The following MYOM1 variants were observed in gnomAD, a reference collection of about 807,000 sequenced individuals.
MYOM1 encodes the protein myomesin-1.
Under a neutral mutation model 205.3 loss-of-function variants are expected in MYOM1, and 164 were observed. The ratio of observed to expected loss-of-function variants is 0.80; its 90% CI spans 0.70 to 0.91. The LOEUF (loss-of-function observed/expected upper bound fraction) is 0.91. Among genes scored for constraint, MYOM1 ranks in the 40% least tolerant of loss-of-function variants. MYOM1 has a pLI of 0.00. For missense variants in MYOM1, 2,011 were observed against 2,127.3 expected (o/e 0.95, Z 1.08); for synonymous variants, 772 against 789.4 (o/e 0.98, Z 0.37).
intron 36 of MYOM1, among the ~76,000 whole-genome samples, chr18:3,074,258 G>A (rs2078995591): frequency 6.6e-6 from 1 of 152,120 alleles, no homozygotes; most frequent in Non-Finnish European, 1.5e-5. Flanking sequence ...ACCCCCAGCT[G>A]CAGTCCACAT....
chr18:3,193,605 G>A (rs1328784677), intron 3 of MYOM1, among the ~76,000 whole-genome samples: 1 of 152,078 alleles, frequency 6.6e-6, no homozygotes, highest in Non-Finnish European at 1.5e-5. Context: ...CTCTCTCAGT[G>A]CAGGGTTCCC....
chr18:3,222,031 A>G (rs2081334417), upstream of MYOM1, among the ~76,000 whole-genome samples: 1 of 152,256 alleles, frequency 6.6e-6, no homozygotes, highest in Non-Finnish European at 1.5e-5. Flanking sequence ...AAAAGAGGAA[A>G]AATAAACTTA....
chr18:3,072,038 G>A, intron 36 of MYOM1, 149 bp from the exon 37 acceptor site: 1 of 705,998 alleles, frequency 1.4e-6, no homozygotes, highest in South Asian at 1.7e-5. Flanking sequence ...AAAAGAAAAT[G>A]ATCCAGGGAT....
chr18:3,067,430 G>C lies in MYOM1; in HGVS notation c.4890C>G (p.Tyr1630Ter). 6.2e-7 allele frequency: 1 copy of C among 1,613,716 alleles called. No homozygotes were observed. The highest frequency in any genetic ancestry group is 8.5e-7 in the Non-Finnish European group (1 of 1,179,912). The change falls in exon 38 of 38, where the codon TAC becomes TAG. Residue 1630 changes from tyrosine to a stop codon, truncating the protein, a stop_gained. Coordinates refer to ENST00000356443, the MANE Select transcript of MYOM1 (RefSeq NM_003803.4). LOFTEE classifies it low-confidence loss of function (END_TRUNC). ...CGGTGCTCACGCCGTTGATGGTGAA[G>C]TACGCGGTCCTCCCAGCCTCGAACT... ...NLKFEAGRTA[Y>*]FTINGVSTAD...
At position 3,067,445 on chromosome 18, in the gene MYOM1, A is replaced by C; in HGVS notation, c.4875T>G (p.Ala1625=). 1 of 1,613,780 alleles carries C rather than the reference A, an allele frequency of 6.2e-7. No individual in the cohort carries two copies. The highest frequency in any genetic ancestry group is 8.5e-7 in the Non-Finnish European group (1 of 1,179,910). The change falls in exon 38 of 38, where the codon GCT becomes GCG. Residue 1625 remains alanine (A), a synonymous_variant. Transcript: ENST00000356443. ...SDDHCNLKFE[A]GRTAYFTING... is the part of the protein sequence containing the mutation. ...TGATGGTGAAGTACGCGGTCCTCCCAGCCTCGAACTTGAGGTTGCAGTGGT... is the reference window on the plus strand; with the variant it reads ...TGATGGTGAAGTACGCGGTCCTCCCCGCCTCGAACTTGAGGTTGCAGTGGT...
At chr18:3,087,248 G>C (rs145165584) in intron 29 of MYOM1, among the ~76,000 whole-genome samples, 4 of 152,222 alleles carry the variant, frequency 2.6e-5, no homozygotes, top group Admixed American at 1.3e-4. Flanking sequence ...CCCTTGTGTG[G>C]ATCCCAGAAG....
chr18:3,131,607 T>A, intron 16 of MYOM1, 111 bp from the exon 17 acceptor site: 1 of 987,030 alleles, frequency 1.0e-6, no homozygotes, highest in Non-Finnish European at 1.5e-6. Context: ...TTTTTTTTTA[T>A]TGTGATTTAT....
At chr18:3,215,556 T>C (rs1395863962) in intron 1 of MYOM1, among the ~76,000 whole-genome samples, 7 of 152,060 alleles carry the variant, frequency 4.6e-5, no homozygotes, top group Admixed American at 1.3e-4. Flanking sequence ...GGAGCTATGA[T>C]TGACCATTGC....
At chr18:3,240,186 A>G in the MYOM1 span, among the ~76,000 whole-genome samples, 2 of 152,224 alleles carry the variant, frequency 1.3e-5, no homozygotes, top group African/African-American at 4.8e-5. Context: ...ACGAACTATT[A>G]TAGTATCACT....
the MYOM1 span, among the ~76,000 whole-genome samples, chr18:3,237,959 G>A: frequency 1.5e-3 from 235 of 152,248 alleles, 1 homozygote; most frequent in Admixed American, 2.6e-3. Flanking sequence ...CGAGGAAGAC[G>A]ATATTTCCAG....
chr18:3,190,654 A>G (rs1036020773), intron 3 of MYOM1: 3 of 152,222 alleles, frequency 2.0e-5, no homozygotes, highest in Admixed American at 6.5e-5. Flanking sequence ...TCCTCACATA[A>G]TGACCTCTCA....
the MYOM1 span, among the ~76,000 whole-genome samples, chr18:3,243,543 C>T: frequency 6.6e-6 from 1 of 152,202 alleles, no homozygotes; most frequent in Non-Finnish European, 1.5e-5. Context: ...CACTTACTAG[C>T]TATGTGCACT....
chr18:3,184,268 C>A (rs578051325), intron 5 of MYOM1, among the ~76,000 whole-genome samples: 1 of 152,250 alleles, frequency 6.6e-6, no homozygotes, highest in South Asian at 2.1e-4. Flanking sequence ...GAAGTCAACT[C>A]CCAGAGGTGG....
intron 12 of MYOM1, among the ~76,000 whole-genome samples, chr18:3,150,350 C>T (rs1567935509): frequency 6.6e-6 from 1 of 152,206 alleles, no homozygotes. Flanking sequence ...GTGTGAGCCA[C>T]CATGCCCAGC....
chr18:3,208,646 G>A (rs1223005538), intron 2 of MYOM1, among the ~76,000 whole-genome samples: 1 of 152,112 alleles, frequency 6.6e-6, no homozygotes, highest in East Asian at 1.9e-4. Flanking sequence ...CATTTTGTTG[G>A]TATTTAAATA....
the MYOM1 span, among the ~76,000 whole-genome samples, chr18:3,227,098 C>T: frequency 6.6e-6 from 1 of 152,198 alleles, no homozygotes; most frequent in African/African-American, 2.4e-5. Flanking sequence ...TTTTTTGTCT[C>T]TACCTGTTTT....
chr18:3,226,235 G>A, the MYOM1 span, among the ~76,000 whole-genome samples: 8,203 of 152,218 alleles, frequency 0.054, 513 homozygotes, highest in African/African-American at 0.16. The surrounding 1 kb of genome is among the most constrained non-coding windows in gnomAD (Gnocchi z 4.6). Context: ...GCTGCAGTAA[G>A]CCAGGCACTG....
At position 3,179,416 on chromosome 18, in the gene MYOM1, C is replaced by T. The variant is rs1220798903; in HGVS notation, c.930-3282G>A. On this transcript the variant is annotated intron_variant, in intron 5 of 37. Transcript: ENST00000356443. The surrounding 1 kb of genome is among the most constrained non-coding windows in gnomAD (Gnocchi z 4.4). ...TGTTGCTCAAGTTGGTCTCAAATTC[C>T]TGGGCTCAAGCGATCCCCCTGCCTC... Among the ~76,000 whole-genome samples the T allele has an allele frequency of 6.6e-6, 1 of 152,110 alleles. No individual in the cohort carries two copies. Among genetic ancestry groups the T allele is most frequent in the Non-Finnish European group, 1.5e-5 (1 of 68,024 alleles).
intron 33 of MYOM1, among the ~76,000 whole-genome samples, chr18:3,082,642 A>C (rs2079097504): frequency 6.6e-6 from 1 of 152,156 alleles, no homozygotes; most frequent in Admixed American, 6.5e-5. Context: ...ATGTGGCTAC[A>C]TTCCATTGGA....
Sources: allele counts gnomAD v4.1 joint callset (sites outside exome capture counted in the v4.1 genomes callset), GRCh38; gene constraint gnomAD v4.1.1; non-coding constraint Gnocchi (gnomAD v3.1); transcripts MANE v1.5; gene names NCBI Gene and HGNC (gene_info 2026-07-23, HGNC 2026-07-21).